NCAM2: variants seen among roughly 807,000 people sequenced by gnomAD.
NCAM2 encodes N-CAM-2.
Under a neutral mutation model 98.1 loss-of-function variants are expected in NCAM2, and 30 were observed. That is an observed-to-expected ratio of 0.31 (90% CI 0.23 to 0.41). NCAM2 has a LOEUF of 0.41. NCAM2 is among the 10% of genes least tolerant of loss of function. NCAM2 has a pLI of 1.00. For missense variants in NCAM2, 867 were observed against 1,005.8 expected (o/e 0.86, Z 1.87); for synonymous variants, 368 against 342.4 (o/e 1.07, Z -0.83).
intron 15 of NCAM2, among the ~76,000 whole-genome samples, chr21:21,494,391 T>G (rs1328403196): frequency 6.6e-6 from 1 of 151,870 alleles, no homozygotes; most frequent in African/African-American, 2.4e-5. Context: ...ATAAAATTGG[T>G]CAGGTGGGGG....
intron 10 of NCAM2, among the ~76,000 whole-genome samples, chr21:21,410,708 G>A (rs1329308719): frequency 5.3e-5 from 8 of 151,346 alleles, no homozygotes; most frequent in Non-Finnish European, 1.2e-4. Flanking sequence ...TGCACTTTTA[G>A]GAATAAAAAC....
At chr21:21,460,500 T>C (rs1465419686) in intron 12 of NCAM2, among the ~76,000 whole-genome samples, 2 of 151,932 alleles carry the variant, frequency 1.3e-5, no homozygotes, top group Non-Finnish European at 2.9e-5. Context: ...AAAGTAAAAT[T>C]TGTTTTCAAT....
In NCAM2 at chr21:21,542,203, C is replaced by T. The variant is rs1346367160; in HGVS notation, c.*4246C>T. 6.6e-6 allele frequency: 1 copy of T among 151,802 alleles called. No individual in the cohort carries two copies. The highest frequency in any genetic ancestry group is 2.4e-5 in the African/African-American group (1 of 41,406). 9.4% of individuals were successfully genotyped at this position (151,802 alleles called of 1,614,324 possible). On this transcript the variant is annotated 3_prime_UTR_variant, in exon 18 of 18. Transcript: ENST00000400546. ...GTAGTTGCTGAACAAACATAATTTTCTTCCAGCTCCCATCCTTCCTTTTTG... is the reference window on the plus strand; with the variant it reads ...GTAGTTGCTGAACAAACATAATTTTTTTCCAGCTCCCATCCTTCCTTTTTG...
chr21:21,027,168 A>G (rs2064567918), intron 1 of NCAM2, among the ~76,000 whole-genome samples: 3 of 152,114 alleles, frequency 2.0e-5, no homozygotes, highest in Admixed American at 6.5e-5. Context: ...CAAAACTTTT[A>G]TTTTCTGAGT....
intron 9 of NCAM2, among the ~76,000 whole-genome samples, chr21:21,377,483 TTTAG>T (rs777099955): frequency 5.3e-5 from 8 of 152,044 alleles, no homozygotes; most frequent in East Asian, 1.9e-4. Flanking sequence ...TTTACTTTTA[TTTAG>T]TTATAGTTGA....
At chr21:21,280,382 T>C (rs112566358) in intron 1 of NCAM2, among the ~76,000 whole-genome samples, 196 bp from the exon 2 acceptor site, 2 of 152,194 alleles carry the variant, frequency 1.3e-5, no homozygotes, top group Non-Finnish European at 2.9e-5. Flanking sequence ...GTATTTAGTC[T>C]GATGGTTAAA....
At chr21:21,295,482 G>A (rs1457132818) in intron 5 of NCAM2, among the ~76,000 whole-genome samples, 1 of 151,850 alleles carries the variant, frequency 6.6e-6, no homozygotes, top group African/African-American at 2.4e-5. Flanking sequence ...TCCAAAGGAA[G>A]GATTATGCAT....
chr21:21,243,089 A>G (rs1215596780), intron 1 of NCAM2, among the ~76,000 whole-genome samples: 1 of 152,196 alleles, frequency 6.6e-6, no homozygotes, highest in African/African-American at 2.4e-5. Flanking sequence ...GAAGCAGGGA[A>G]TCTTAAAAGA....
chr21:21,025,307 A>G (rs1227025340), intron 1 of NCAM2, among the ~76,000 whole-genome samples: 3 of 152,070 alleles, frequency 2.0e-5, no homozygotes, highest in Non-Finnish European at 4.4e-5. Flanking sequence ...GGATGGTCTC[A>G]ATCTCCTGAC....
At chr21:21,399,816 G>T (rs1239429383) in intron 9 of NCAM2, among the ~76,000 whole-genome samples, 1 of 152,134 alleles carries the variant, frequency 6.6e-6, no homozygotes, top group East Asian at 1.9e-4. Context: ...CAAGAAATAA[G>T]ACTTTTCTTA....
At chr21:21,510,759 T>C (rs1047857207) in intron 16 of NCAM2, among the ~76,000 whole-genome samples, 6 of 147,968 alleles carry the variant, frequency 4.1e-5, no homozygotes, top group African/African-American at 1.5e-4. Context: ...CTGCATTTTT[T>C]GCTAATTGTT....
At chr21:21,489,242 G>C (rs147908913) in intron 15 of NCAM2, among the ~76,000 whole-genome samples, 1 of 152,256 alleles carries the variant, frequency 6.6e-6, no homozygotes, top group Non-Finnish European at 1.5e-5. Context: ...TGATCCTCCT[G>C]CTTCAGCCTC....
intron 1 of NCAM2, among the ~76,000 whole-genome samples, chr21:21,229,460 T>C (rs1418780178): frequency 6.6e-6 from 1 of 151,544 alleles, no homozygotes; most frequent in Non-Finnish European, 1.5e-5. Flanking sequence ...TTCTATTGCT[T>C]TCTTTGTGTT....
intron 5 of NCAM2, among the ~76,000 whole-genome samples, chr21:21,311,410 C>T (rs1052076688): frequency 4.5e-4 from 67 of 149,356 alleles, no homozygotes; most frequent in Admixed American, 3.9e-3. Flanking sequence ...ATGCAATCTC[C>T]GCTCACTGCA....
At chr21:21,437,846 G>A (rs1170307009) in intron 12 of NCAM2, among the ~76,000 whole-genome samples, 1 of 151,892 alleles carries the variant, frequency 6.6e-6, no homozygotes, top group African/African-American at 2.4e-5. Flanking sequence ...TACTTAGAAG[G>A]CTTGTTTTTC....
At chr21:21,175,364 C>T (rs1296171175) in intron 1 of NCAM2, among the ~76,000 whole-genome samples, 1 of 151,916 alleles carries the variant, frequency 6.6e-6, no homozygotes, top group Admixed American at 6.6e-5. Flanking sequence ...GAAACCCTGT[C>T]TCTACTAAAA....
chr21:21,453,818 G>GT (rs989674509), intron 12 of NCAM2, among the ~76,000 whole-genome samples: 3 of 151,826 alleles, frequency 2.0e-5, no homozygotes, highest in Non-Finnish European at 4.4e-5. Context: ...TTGAAATTTA[G>GT]TTTCCCCCTG....
chr21:21,029,240 T>A (rs1412568760), intron 1 of NCAM2, among the ~76,000 whole-genome samples: 4 of 152,214 alleles, frequency 2.6e-5, no homozygotes, highest in African/African-American at 9.6e-5. Context: ...ATTTCAATTA[T>A]CTTATTTTTC....
chr21:21,533,328 T>C (rs1989813376), intron 16 of NCAM2, among the ~76,000 whole-genome samples: 1 of 151,928 alleles, frequency 6.6e-6, no homozygotes, highest in African/African-American at 2.4e-5. Context: ...TTTATTATTG[T>C]CATTATGCAT....
Sources: gnomAD v4.1 joint callset for allele counts (sites outside exome capture counted in the v4.1 genomes callset) on GRCh38, gnomAD v4.1.1 for gene constraint, MANE v1.5 for transcripts, NCBI Gene and HGNC (gene_info 2026-07-23, HGNC 2026-07-21) for gene names.